UBE2O: variants seen among roughly 807,000 people sequenced by gnomAD.
UBE2O encodes the protein (E3-independent) E2 ubiquitin-conjugating enzyme.
A neutral mutation model predicts 125.8 loss-of-function variants in UBE2O; 15 were observed. The ratio of observed to expected loss-of-function variants is 0.12; its 90% CI spans 0.08 to 0.18. The LOEUF is 0.18. Ranked by LOEUF, UBE2O falls within the 10% of genes least tolerant of loss-of-function variation. The probability of loss-of-function intolerance (pLI) is 1.00; values close to 1 mark genes in which losing one functional copy is unlikely to be tolerated. For synonymous variants in UBE2O, 708 were observed against 703.2 expected, an observed-to-expected ratio of 1.01 and a Z score of -0.11; for missense variants, 1,280 against 1,723.6, an observed-to-expected ratio of 0.74 and a Z score of 4.56.
chr17:76,420,284 G>C (rs2072687543), intron 1 of UBE2O, among the ~76,000 whole-genome samples: 1 of 152,176 alleles, frequency 6.6e-6, no homozygotes, highest in Admixed American at 6.5e-5. Context: ...CCTGATCCAA[G>C]GCCAGTTGTT....
intron 1 of UBE2O, among the ~76,000 whole-genome samples, chr17:76,416,030 T>C (rs946158449): frequency 4.2e-5 from 6 of 143,044 alleles, no homozygotes; most frequent in African/African-American, 1.5e-4. Context: ...TACACACACG[T>C]ATATATGTGT....
intron 15 of UBE2O, among the ~76,000 whole-genome samples, chr17:76,392,672 G>A (rs2072133410): frequency 6.6e-6 from 1 of 152,204 alleles, no homozygotes; most frequent in Admixed American, 6.5e-5. Flanking sequence ...CTGTATTCCA[G>A]CTGGGCGCGG....
At chr17:76,421,563 C>T (rs2143806741) in intron 1 of UBE2O, among the ~76,000 whole-genome samples, 1 of 152,140 alleles carries the variant, frequency 6.6e-6, no homozygotes, top group East Asian at 1.9e-4. Flanking sequence ...TGGGGTTTCT[C>T]CATGTTGGTC....
Position 76,391,253 on chromosome 17 carries a change from G to A in UBE2O, c.3569C>T (p.Pro1190Leu). The A allele has an allele frequency of 1.2e-6, 2 of 1,613,270 alleles. No homozygotes were observed. Among genetic ancestry groups the A allele is most frequent in the Non-Finnish European group, 1.7e-6 (2 of 1,179,868 alleles). ...GCCCTGGGAGGCCTCTCCTGGGGCT[G>A]GCCCTCCATCCTCAGGTTCTTGTTG... ...SGQQEPEDGG[P>L]APGEASQGSD... Residue 1190 changes from proline to leucine, a missense_variant, in exon 18 of 18, where the codon CCA (proline) becomes CTA (leucine). This residue lies in a region of UBE2O where 233 missense variants were observed against 279.0 expected (regional missense o/e 0.84). Transcript: ENST00000319380. This position sits in a 1 kb window ranked among gnomAD's most constrained non-coding sequence, Gnocchi z 8.4.
rs1598631562 is a variant in UBE2O at position 76,452,637 on chromosome 17, G to A, written c.417+88C>T. ...CGGCCACTGCAGTGGCACCGCTCCG[G>A]GCAGGGCCCTGCACGCCGTCCTTCC... On this transcript the variant is annotated intron_variant, in intron 1 of 17. Transcript: ENST00000319380. The surrounding 1 kb of genome is among the most constrained non-coding windows in gnomAD (Gnocchi z 4.4). The A allele has an allele frequency of 3.2e-6, 4 of 1,237,664 alleles. No individual in the cohort carries two copies. The highest frequency in any genetic ancestry group is 2.3e-5 in the South Asian group (1 of 42,776). 76.7% of individuals were successfully genotyped at this position (1,237,664 alleles called of 1,614,324 possible). A position where few individuals can be genotyped will look rare whatever the true frequency, so the allele number is the denominator to read the frequency against.
In UBE2O at chr17:76,390,864, G is replaced by A; in HGVS notation, c.*79C>T. Reference sequence around the variant, plus strand: ...CAGTGGGGACAGAGGGGCATGGGAAGAGGGGTGATTCCGGGGGGGAGTGAG... The same window carrying A: ...CAGTGGGGACAGAGGGGCATGGGAAAAGGGGTGATTCCGGGGGGGAGTGAG... On this transcript the variant is annotated 3_prime_UTR_variant, in exon 18 of 18. Coordinates refer to ENST00000319380, the MANE Select transcript of UBE2O (RefSeq NM_022066.4). The A allele has an allele frequency of 7.0e-7, 1 of 1,427,992 alleles. No homozygotes were observed. The highest frequency in any genetic ancestry group is 9.5e-7 in the Non-Finnish European group (1 of 1,056,726). The allele number at this position is 1,427,992 out of a possible 1,614,324, so 88.5% of individuals were successfully genotyped here.
chr17:76,453,022 C>G lies in UBE2O; in HGVS notation c.120G>C (p.Ser40=), dbSNP rs911429516. Residue 40 remains serine (S), a synonymous_variant, in exon 1 of 18, where the codon TCG becomes TCC. Transcript: ENST00000319380. ...AAPVPAPAPA[S]DSASGPSSDS... ...CCGAGGACGGCCCGGAGGCCGAGTCCGAGGCGGGCGCCGGCGCCGGGACGG... is the reference window on the plus strand; with the variant it reads ...CCGAGGACGGCCCGGAGGCCGAGTCGGAGGCGGGCGCCGGCGCCGGGACGG... 1.0e-5 allele frequency: 15 copies of G among 1,446,554 alleles called. No individual in the cohort carries two copies. In the African/African-American group the frequency reaches 2.1e-4, roughly 20 times the overall value. The allele number at this position is 1,446,554 out of a possible 1,614,324, so 89.6% of individuals were successfully genotyped here.
intron 1 of UBE2O, among the ~76,000 whole-genome samples, chr17:76,411,065 G>A (rs2072508869): frequency 6.6e-6 from 1 of 152,110 alleles, no homozygotes; most frequent in African/African-American, 2.4e-5. Flanking sequence ...GAAGAACAGA[G>A]TTTCACTCTG....
At chr17:76,425,265 T>C (rs1440649394) in intron 1 of UBE2O, among the ~76,000 whole-genome samples, 1 of 113,542 alleles carries the variant, frequency 8.8e-6, no homozygotes, top group Non-Finnish European at 2.0e-5. Context: ...AAGAAAAAAA[T>C]GTGGTCACTA....
chr17:76,430,957 G>T, intron 1 of UBE2O: 1 of 326,932 alleles, frequency 3.1e-6, no homozygotes, highest in Non-Finnish European at 6.0e-6. Flanking sequence ...ATTCCTTGTG[G>T]TAGTGCTTCA....
Position 76,398,199 on chromosome 17 carries a change from G to A in UBE2O, c.2025+56C>T, listed in dbSNP as rs373984461. On this transcript the variant is annotated intron_variant, in intron 12 of 17. Transcript: ENST00000319380. This position sits in a 1 kb window ranked among gnomAD's most constrained non-coding sequence, Gnocchi z 5.4. ...CCACCTGGTGGCAGCATCAGGGACT[G>A]CAGCTGGTGCACAGGGCAGTGAGCA... 6.4e-5 allele frequency: 103 copies of A among 1,610,328 alleles called. No individual in the cohort carries two copies. In the East Asian group the frequency reaches 1.9e-3, roughly 30 times the overall value.
chr17:76,451,880 G>A (rs1046788978), intron 1 of UBE2O, among the ~76,000 whole-genome samples: 2 of 152,050 alleles, frequency 1.3e-5, no homozygotes, highest in Admixed American at 1.3e-4. Context: ...GGTTTATGAT[G>A]ACAAGCCTCT....
intron 1 of UBE2O, among the ~76,000 whole-genome samples, chr17:76,422,866 C>T (rs1323053781): frequency 6.6e-6 from 1 of 152,248 alleles, no homozygotes; most frequent in Non-Finnish European, 1.5e-5. Context: ...CAGTGCACCC[C>T]AGCAAGTGCC....
chr17:76,448,469 C>T (rs2073183805), intron 1 of UBE2O, among the ~76,000 whole-genome samples: 1 of 152,164 alleles, frequency 6.6e-6, no homozygotes, highest in Non-Finnish European at 1.5e-5. Flanking sequence ...CAAAAATAAA[C>T]TGCAAAGCCA....
intron 1 of UBE2O, among the ~76,000 whole-genome samples, chr17:76,414,857 T>C (rs59151931): frequency 6.6e-6 from 1 of 152,168 alleles, no homozygotes. Context: ...CCCTCTGTCT[T>C]GGCTCTGGGC....
chr17:76,396,880 A>G lies in UBE2O; in HGVS notation c.2116-59T>C. On this transcript the variant is annotated intron_variant, in intron 13 of 17. Transcript: ENST00000319380. This position sits in a 1 kb window ranked among gnomAD's most constrained non-coding sequence, Gnocchi z 6.7. The stretch of plus-strand genomic sequence containing the variant: ...ACAGGAAGTCACCTCCCCACCACTA[A>G]GGAGGAGCTCTGGGGATCCCTGATC... 1 of 1,444,994 alleles carries G rather than the reference A, an allele frequency of 6.9e-7. No individual in the cohort carries two copies. 89.5% of individuals were successfully genotyped at this position (1,444,994 alleles called of 1,614,324 possible).
Position 76,400,931 on chromosome 17 carries a change from C to A in UBE2O, c.894+80G>T. On this transcript the variant is annotated intron_variant, in intron 6 of 17. Transcript: ENST00000319380. The surrounding 1 kb of genome is among the most constrained non-coding windows in gnomAD (Gnocchi z 4.3). ...AGGAGCGGGGCTCAACCCTCAAGAG[C>A]AGGAAGGAAAGGGGCAGCAGCTCAG... is the stretch of plus-strand genomic sequence containing the variant. The A allele has an allele frequency of 6.5e-7, 1 of 1,544,824 alleles. No individual in the cohort carries two copies. Among genetic ancestry groups the A allele is most frequent in the South Asian group, 1.2e-5 (1 of 85,332 alleles).
chr17:76,391,824 C>G lies in UBE2O; in HGVS notation c.3151-11G>C. 2 of 1,614,102 alleles carry G rather than the reference C, an allele frequency of 1.2e-6. No individual in the cohort carries two copies. Among genetic ancestry groups the G allele is most frequent in the Non-Finnish European group, 1.7e-6 (2 of 1,180,014 alleles). On this transcript the variant is annotated splice_polypyrimidine_tract_variant and intron_variant, in intron 16 of 17. Transcript: ENST00000319380. This position sits in a 1 kb window ranked among gnomAD's most constrained non-coding sequence, Gnocchi z 8.4. ...CCACCTCTCTGTCCCCTGAAACACA[C>G]AGGGCACCATCAATTCTGTTCCCCA...
intron 1 of UBE2O, among the ~76,000 whole-genome samples, chr17:76,433,237 CAT>C (rs2072931432): frequency 6.6e-6 from 1 of 151,590 alleles, no homozygotes; most frequent in Admixed American, 6.6e-5. Flanking sequence ...GTGATCTATC[CAT>C]ATGATAGAAT....
Sources: allele counts gnomAD v4.1 joint callset (sites outside exome capture counted in the v4.1 genomes callset), GRCh38; gene constraint gnomAD v4.1.1; regional missense constraint gnomAD v4.1.1; non-coding constraint Gnocchi (gnomAD v3.1); transcripts MANE v1.5; gene names NCBI Gene and HGNC (gene_info 2026-07-23, HGNC 2026-07-21).